The following KSR2 variants were observed in gnomAD, a reference collection of about 807,000 sequenced individuals.
KSR2 encodes kinase suppressor of ras 2.
KSR2 carries 25 observed loss-of-function variants against 107.8 expected under a neutral mutation model. That is an observed-to-expected ratio of 0.23 (90% CI 0.17 to 0.32). The LOEUF (loss-of-function observed/expected upper bound fraction) is 0.32. Ranked by LOEUF, KSR2 falls within the 10% of genes least tolerant of loss-of-function variation. The pLI is 1.00. For synonymous variants in KSR2, 480 were observed against 507.0 expected (o/e 0.95, Z 0.71); for missense variants, 887 against 1,268.9 (o/e 0.70, Z 4.57).
intron 14 of KSR2, among the ~76,000 whole-genome samples, chr12:117,518,534 C>G (rs534080462): frequency 6.6e-6 from 1 of 152,202 alleles, no homozygotes; most frequent in Non-Finnish European, 1.5e-5. Flanking sequence ...CTATTCTAAC[C>G]CATATGCATT....
chr12:117,872,019 C>T (rs960353762), intron 1 of KSR2, among the ~76,000 whole-genome samples: 1 of 152,188 alleles, frequency 6.6e-6, no homozygotes, highest in East Asian at 1.9e-4. Context: ...GAAAATCAGA[C>T]ATTTGCCAAT....
chr12:117,476,790 A>T (rs1871810929), intron 16 of KSR2, among the ~76,000 whole-genome samples, 195 bp from the exon 17 acceptor site: 1 of 152,104 alleles, frequency 6.6e-6, no homozygotes. Flanking sequence ...AACACTCAGG[A>T]TCCAAACCAT....
intron 5 of KSR2, among the ~76,000 whole-genome samples, chr12:117,645,904 TGTGTGTGTG>T: frequency 6.7e-6 from 1 of 150,136 alleles, no homozygotes; most frequent in South Asian, 2.1e-4. Context: ...TGTGTGTGTG[TGTGTGTGTG>T]TACAGCTGTC....
intron 14 of KSR2, among the ~76,000 whole-genome samples, chr12:117,494,368 C>G (rs1461547160): frequency 6.6e-6 from 1 of 152,184 alleles, no homozygotes; most frequent in Non-Finnish European, 1.5e-5. Flanking sequence ...GCACTAGAAT[C>G]TCCTGGGAAG....
At position 117,888,009 on chromosome 12, in the gene KSR2, T is replaced by C. The variant is rs373595711; in HGVS notation, c.181-27578A>G. 1.1e-4 allele frequency among the ~76,000 whole-genome samples: 16 copies of C among 152,254 alleles called. No homozygotes were observed. The East Asian group carries it at 2.1e-3, about 20-fold the overall frequency. ...ACTGGATTCAGGAAGCAAGGATGAC[T>C]TTGGATAGGCAAACAGAGTGTCTTC... On this transcript the variant is annotated intron_variant, in intron 1 of 19. Transcript: ENST00000339824.
At position 117,947,251 on chromosome 12, in the gene KSR2, A is replaced by C. The variant is rs1188752875; in HGVS notation, c.180+20825T>G. Among the ~76,000 whole-genome samples, 448 of 125,384 alleles carry C rather than the reference A, an allele frequency of 3.6e-3. 4 individuals are homozygous for C. Among genetic ancestry groups the C allele is most frequent in the Middle Eastern group, 8.8e-3 (2 of 228 alleles). The allele number at this position is 125,384 out of a possible 152,430, so 82.3% of individuals were successfully genotyped here. A position where few individuals can be genotyped will look rare whatever the true frequency, so the allele number is the denominator to read the frequency against. On this transcript the variant is annotated intron_variant, in intron 1 of 19. Coordinates refer to ENST00000339824, the MANE Select transcript of KSR2 (RefSeq NM_173598.6). ...AAAGAAAGAAAGAAAGAAAGAAAGA[A>C]AGAAAGAAGATAAACCACATGACCA...
chr12:117,709,366 C>T (rs1769110734), intron 4 of KSR2, among the ~76,000 whole-genome samples: 1 of 152,186 alleles, frequency 6.6e-6, no homozygotes, highest in Non-Finnish European at 1.5e-5. Context: ...CAGGGTCTCA[C>T]TCCATCACCC....
At chr12:117,903,191 A>G (rs1019560827) in intron 1 of KSR2, among the ~76,000 whole-genome samples, 1 of 152,244 alleles carries the variant, frequency 6.6e-6, no homozygotes, top group Non-Finnish European at 1.5e-5. Flanking sequence ...AAGAAAAACT[A>G]TAATTCATAA....
At chr12:117,654,171 A>T (rs1884023540) in intron 5 of KSR2, among the ~76,000 whole-genome samples, 1 of 152,224 alleles carries the variant, frequency 6.6e-6, no homozygotes, top group Non-Finnish European at 1.5e-5. Context: ...CGAACTGCCT[A>T]TCATGAACTG....
intron 4 of KSR2, among the ~76,000 whole-genome samples, chr12:117,709,802 T>C (rs1886683025): frequency 6.6e-6 from 1 of 152,206 alleles, no homozygotes; most frequent in African/African-American, 2.4e-5. Context: ...GCAGCATCCC[T>C]GGCATCTGCC....
chr12:117,792,862 C>T (rs533419287), intron 3 of KSR2, among the ~76,000 whole-genome samples: 3 of 151,954 alleles, frequency 2.0e-5, no homozygotes, highest in African/African-American at 7.3e-5. Flanking sequence ...GCATTGTGTG[C>T]ACACACACCA....
At chr12:117,670,284 C>A (rs1257960418) in intron 4 of KSR2, among the ~76,000 whole-genome samples, 1 of 152,238 alleles carries the variant, frequency 6.6e-6, no homozygotes, top group East Asian at 1.9e-4. Context: ...TGAGTGCCAA[C>A]CATGTCCTAG....
At chr12:117,885,069 T>G (rs1310198695) in intron 1 of KSR2, among the ~76,000 whole-genome samples, 1 of 152,136 alleles carries the variant, frequency 6.6e-6, no homozygotes, top group Non-Finnish European at 1.5e-5. Context: ...CACCGGGGCC[T>G]CAGTTTCCAC....
intron 1 of KSR2, among the ~76,000 whole-genome samples, chr12:117,871,303 G>T (rs758476149): frequency 1.3e-5 from 2 of 152,002 alleles, no homozygotes; most frequent in Admixed American, 1.3e-4. Flanking sequence ...GGAATGTCAC[G>T]CCAGGCCAAG....
chr12:117,830,902 A>G (rs1001791569), intron 3 of KSR2, among the ~76,000 whole-genome samples: 1 of 152,224 alleles, frequency 6.6e-6, no homozygotes, highest in Non-Finnish European at 1.5e-5. Flanking sequence ...TTGAGAAAGA[A>G]GGAAAACAGA....
At chr12:117,796,268 T>G (rs1890624551) in intron 3 of KSR2, among the ~76,000 whole-genome samples, 1 of 152,148 alleles carries the variant, frequency 6.6e-6, no homozygotes, top group Admixed American at 6.5e-5. Context: ...TCTTACTAGT[T>G]AGGCCTCTGT....
At chr12:117,733,572 CA>C (rs1887815428) in intron 4 of KSR2, among the ~76,000 whole-genome samples, 1 of 152,162 alleles carries the variant, frequency 6.6e-6, no homozygotes, top group Admixed American at 6.5e-5. Flanking sequence ...TGAATGGATA[CA>C]ACAGGGACCA....
intron 14 of KSR2, among the ~76,000 whole-genome samples, chr12:117,518,970 G>A (rs1430436614): frequency 6.6e-6 from 1 of 152,150 alleles, no homozygotes; most frequent in Non-Finnish European, 1.5e-5. Flanking sequence ...CACTTATTAC[G>A]ATGCTTTAAT....
rs1422701033 is a variant in KSR2, at chr12:117,913,338, C to T, written c.181-52907G>A. ...CCAAGCCCTATGGAACTGTAATGAC[C>T]CCTGGACTTGTCTGTCCTCTACCTT... On this transcript the variant is annotated intron_variant, in intron 1 of 19. Coordinates refer to ENST00000339824, the MANE Select transcript of KSR2 (RefSeq NM_173598.6). Among the ~76,000 whole-genome samples, 3 of 152,102 alleles carry T rather than the reference C, an allele frequency of 2.0e-5. No homozygotes were observed. The East Asian group carries it at 5.8e-4, about 29-fold the overall frequency.
Sources: gnomAD v4.1 joint callset for allele counts (sites outside exome capture counted in the v4.1 genomes callset) on GRCh38, gnomAD v4.1.1 for gene constraint, MANE v1.5 for transcripts, NCBI Gene and HGNC (gene_info 2026-07-23, HGNC 2026-07-21) for gene names.